Variants in TMTC1 observed in about 807,000 individuals in gnomAD.
TMTC1 encodes transmembrane O-mannosyltransferase targeting cadherins 1, also known as protein O-mannosyl-transferase TMTC1.
A neutral mutation model predicts 104.8 loss-of-function variants in TMTC1; 73 were observed. The ratio of observed to expected loss-of-function variants is 0.70; its 90% CI spans 0.58 to 0.85. The LOEUF (loss-of-function observed/expected upper bound fraction) is 0.85. Among genes scored for constraint, TMTC1 ranks in the 40% least tolerant of loss-of-function variants. The pLI is 0.00. For synonymous variants in TMTC1, 434 were observed against 428.7 expected (o/e 1.01, Z -0.15); for missense variants, 1,035 against 1,096.1 (o/e 0.94, Z 0.79).
At chr12:29,743,715 C>T (rs1466246020) in intron 5 of TMTC1, among the ~76,000 whole-genome samples, 2 of 152,008 alleles carry the variant, frequency 1.3e-5, no homozygotes, top group African/African-American at 4.8e-5. Context: ...ATTTATATAT[C>T]CCCTGAGTGT....
intron 6 of TMTC1, among the ~76,000 whole-genome samples, chr12:29,626,054 G>C (rs1937972966): frequency 6.6e-6 from 1 of 152,112 alleles, no homozygotes. Context: ...AAATCTATTT[G>C]AACAGAATTG....
At chr12:29,557,029 T>C (rs1190383695) in intron 9 of TMTC1, 29 bp from the exon 10 acceptor site, 6 of 1,610,902 alleles carry the variant, frequency 3.7e-6, no homozygotes, top group Non-Finnish European at 5.1e-6. Flanking sequence ...TAAGCTGTGA[T>C]GGTTCAAAAA....
chr12:29,689,380 T>C (rs758489913), intron 5 of TMTC1, among the ~76,000 whole-genome samples: 2 of 152,098 alleles, frequency 1.3e-5, no homozygotes, highest in African/African-American at 4.8e-5. Flanking sequence ...AGTGGCATGA[T>C]ATCAGCTCAC....
chr12:29,511,933 G>T, intron 17 of TMTC1, 110 bp downstream of exon 17: 1 of 1,087,776 alleles, frequency 9.2e-7, no homozygotes, highest in Non-Finnish European at 1.4e-6. Context: ...ATATTCAAAT[G>T]ATTTCAAAAA....
At chr12:29,755,995 T>C in intron 3 of TMTC1, 110 bp from the exon 4 acceptor site, 4 of 1,148,070 alleles carry the variant, frequency 3.5e-6, no homozygotes, top group Admixed American at 2.7e-5. Context: ...TTCTAAGTAA[T>C]TAAGCAGGTA....
chr12:29,749,984 C>T (rs1158322693), intron 5 of TMTC1, among the ~76,000 whole-genome samples: 1 of 151,946 alleles, frequency 6.6e-6, no homozygotes, highest in Non-Finnish European at 1.5e-5. Flanking sequence ...TTCCCTCCTT[C>T]ATGATTGCCC....
chr12:29,671,687 A>T (rs1481800230), intron 5 of TMTC1, among the ~76,000 whole-genome samples: 2 of 152,228 alleles, frequency 1.3e-5, no homozygotes, highest in African/African-American at 4.8e-5. Flanking sequence ...CAGAACTGGG[A>T]TTTGAATGTA....
At chr12:29,643,511 T>TATATAATATA (rs201100365) in intron 5 of TMTC1, among the ~76,000 whole-genome samples, 1 of 84,164 alleles carries the variant, frequency 1.2e-5, no homozygotes, top group Non-Finnish European at 2.1e-5. Flanking sequence ...ATATATTTTA[T>TATATAATATA]ATATAATATA....
At chr12:29,550,680 G>T (rs1945071741) in intron 10 of TMTC1, among the ~76,000 whole-genome samples, 1 of 152,096 alleles carries the variant, frequency 6.6e-6, no homozygotes, top group South Asian at 2.1e-4. Context: ...GAGCATAAAT[G>T]GGGGGCCCTG....
intron 5 of TMTC1, chr12:29,658,441 T>A (rs1939859254): frequency 6.6e-6 from 1 of 152,286 alleles, no homozygotes; most frequent in Admixed American, 6.5e-5. Flanking sequence ...GTTCACAGAG[T>A]GTGCTTCTCT....
At chr12:29,612,458 A>G (rs1053638727) in intron 6 of TMTC1, among the ~76,000 whole-genome samples, 2 of 152,212 alleles carry the variant, frequency 1.3e-5, no homozygotes, top group African/African-American at 4.8e-5. Flanking sequence ...TCTGTCGCCC[A>G]GGCTGGAGTG....
intron 5 of TMTC1, among the ~76,000 whole-genome samples, chr12:29,637,776 T>C (rs1457541986): frequency 2.0e-5 from 3 of 152,240 alleles, no homozygotes; most frequent in African/African-American, 7.2e-5. Context: ...ACATATTTCT[T>C]TGCCCTAGAA....
intron 5 of TMTC1, among the ~76,000 whole-genome samples, chr12:29,741,323 A>T (rs1942818836): frequency 6.6e-6 from 1 of 152,200 alleles, no homozygotes; most frequent in South Asian, 2.1e-4. Flanking sequence ...TCATTTTAGG[A>T]TCAACCTCTA....
chr12:29,774,812 C>T (rs944232424), intron 1 of TMTC1, among the ~76,000 whole-genome samples: 2 of 152,222 alleles, frequency 1.3e-5, no homozygotes, highest in Non-Finnish European at 2.9e-5. Flanking sequence ...ATCATTATTG[C>T]TTAATGTATC....
intron 5 of TMTC1, among the ~76,000 whole-genome samples, chr12:29,689,983 C>A (rs73271786): frequency 1.3e-5 from 2 of 152,266 alleles, no homozygotes; most frequent in African/African-American, 4.8e-5. Flanking sequence ...CAAGATTGTA[C>A]CCCCAACAGC....
chr12:29,527,478 T>C (rs1042598116), intron 11 of TMTC1, among the ~76,000 whole-genome samples: 1 of 152,230 alleles, frequency 6.6e-6, no homozygotes, highest in Non-Finnish European at 1.5e-5. Context: ...CACCTGGGGA[T>C]AGATACTGTA....
At position 29,570,183 on chromosome 12, in the gene TMTC1, T is replaced by C. The variant is rs7295215; in HGVS notation, c.1532+1922A>G. Among the ~76,000 whole-genome samples, 1,146 of 151,874 alleles carry C rather than the reference T, an allele frequency of 7.5e-3. 19 individuals are homozygous for C. Among genetic ancestry groups the C allele is most frequent in the African/African-American group, 0.026 (1,086 of 41,532 alleles). On this transcript the variant is annotated intron_variant, in intron 9 of 17. Transcript: ENST00000539277. ...GCCATCTAAAATTGATAAATAGTAA[T>C]TAATTATTAAAGCCCAAGTATACTT... is the stretch of plus-strand genomic sequence containing the variant.
chr12:29,700,600 T>C (rs1011165744), intron 5 of TMTC1, among the ~76,000 whole-genome samples: 3 of 152,200 alleles, frequency 2.0e-5, no homozygotes, highest in South Asian at 4.1e-4. Flanking sequence ...GGAGAGAAGC[T>C]GGAATTTTGT....
intron 7 of TMTC1, among the ~76,000 whole-genome samples, chr12:29,597,221 TTTTC>T (rs1159595123): frequency 6.8e-6 from 1 of 148,080 alleles, no homozygotes; most frequent in East Asian, 1.9e-4. Context: ...TTCTTTTTCT[TTTTC>T]TTTCTTTCTT....
Sources: allele counts gnomAD v4.1 joint callset (sites outside exome capture counted in the v4.1 genomes callset), GRCh38; gene constraint gnomAD v4.1.1; transcripts MANE v1.5; gene names NCBI Gene and HGNC (gene_info 2026-07-23, HGNC 2026-07-21).